AFG2A: variants seen among roughly 807,000 people sequenced by gnomAD.
AFG2A encodes ATPase family gene 2 protein homolog A.
the AFG2A span, among the ~76,000 whole-genome samples, chr4:122,926,252 CTT>C: frequency 6.6e-6 from 1 of 152,142 alleles, no homozygotes; most frequent in African/African-American, 2.4e-5. Flanking sequence ...ACTGAGAACA[CTT>C]GTGTGGTAAT....
chr4:123,103,169 A>T, the AFG2A span, among the ~76,000 whole-genome samples: 4 of 152,094 alleles, frequency 2.6e-5, no homozygotes, highest in African/African-American at 9.7e-5. Flanking sequence ...GCTTAAAGAA[A>T]TGAATGAAAC....
the AFG2A span, among the ~76,000 whole-genome samples, chr4:123,125,971 A>T: frequency 2.6e-5 from 4 of 152,172 alleles, no homozygotes; most frequent in East Asian, 7.7e-4. Context: ...GTTTTATAGT[A>T]TTCTTCCTAA....
At chr4:123,124,168 G>A in the AFG2A span, among the ~76,000 whole-genome samples, 1 of 151,968 alleles carries the variant, frequency 6.6e-6, no homozygotes, top group Non-Finnish European at 1.5e-5. Flanking sequence ...AAATCATGCT[G>A]CTATAAAGAC....
chr4:122,934,063 T>C, the AFG2A span: 745 of 1,516,912 alleles, frequency 4.9e-4, no homozygotes, highest in Non-Finnish European at 4.2e-4. Flanking sequence ...AAAAAAATTA[T>C]GCTAACATGT....
At chr4:123,245,896 A>T in the AFG2A span, among the ~76,000 whole-genome samples, 1 of 152,240 alleles carries the variant, frequency 6.6e-6, no homozygotes, top group Admixed American at 6.5e-5. Flanking sequence ...TGCCTGACAC[A>T]TAGTAGATAC....
chr4:123,287,350 T>C, the AFG2A span, among the ~76,000 whole-genome samples: 1 of 152,200 alleles, frequency 6.6e-6, no homozygotes, highest in Non-Finnish European at 1.5e-5. Context: ...AATCCAGCTC[T>C]ACTGAACCTA....
At chr4:122,964,503 A>C in the AFG2A span, among the ~76,000 whole-genome samples, 1 of 8,982 alleles carries the variant, frequency 1.1e-4, no homozygotes, top group East Asian at 0.05. Context: ...GACTGTCTCA[A>C]AAAAAAAAAA....
At chr4:123,029,873 A>G in the AFG2A span, among the ~76,000 whole-genome samples, 2 of 152,038 alleles carry the variant, frequency 1.3e-5, no homozygotes, top group Non-Finnish European at 2.9e-5. Context: ...CCTGGCCTCA[A>G]GCAGCCCTCC....
chr4:123,292,255 T>C, the AFG2A span, among the ~76,000 whole-genome samples: 1 of 152,218 alleles, frequency 6.6e-6, no homozygotes, highest in Non-Finnish European at 1.5e-5. Flanking sequence ...TAGAAAACTT[T>C]CCATTCATAT....
At chr4:122,929,250 A>G in the AFG2A span, 2 of 1,483,888 alleles carry the variant, frequency 1.3e-6, no homozygotes, top group African/African-American at 1.4e-5. Flanking sequence ...CAGTAGAAAT[A>G]TAAGAGTCAC....
chr4:123,101,019 T>C, the AFG2A span, among the ~76,000 whole-genome samples: 1 of 152,010 alleles, frequency 6.6e-6, no homozygotes, highest in East Asian at 1.9e-4. Flanking sequence ...ATTTGATTAA[T>C]CTTCCCAACT....
the AFG2A span, chr4:122,935,603 TTTG>T: frequency 7.7e-7 from 1 of 1,298,044 alleles, no homozygotes; most frequent in Non-Finnish European, 1.0e-6. Context: ...CTTGACTCTT[TTTG>T]TGACGCAAGG....
chr4:123,243,700 A>G, the AFG2A span, among the ~76,000 whole-genome samples: 1 of 152,136 alleles, frequency 6.6e-6, no homozygotes, highest in East Asian at 1.9e-4. Flanking sequence ...TACCTATGTA[A>G]TAAACCTGCA....
the AFG2A span, among the ~76,000 whole-genome samples, chr4:123,176,417 A>G: frequency 6.6e-6 from 1 of 152,216 alleles, no homozygotes; most frequent in Non-Finnish European, 1.5e-5. Flanking sequence ...TTTCAGTACT[A>G]CAACAATACA....
chr4:123,129,034 G>A, the AFG2A span, among the ~76,000 whole-genome samples: 1 of 152,102 alleles, frequency 6.6e-6, no homozygotes, highest in Non-Finnish European at 1.5e-5. Flanking sequence ...CTTTGTTAAA[G>A]TATTTGCTTA....
At chr4:122,935,757 T>A in the AFG2A span, 2 of 1,612,424 alleles carry the variant, frequency 1.2e-6, no homozygotes, top group Non-Finnish European at 1.7e-6. Flanking sequence ...GTCCTCCAGG[T>A]ACTGGAAAAA....
At chr4:123,129,323 T>C in the AFG2A span, among the ~76,000 whole-genome samples, 1 of 152,224 alleles carries the variant, frequency 6.6e-6, no homozygotes, top group African/African-American at 2.4e-5. Flanking sequence ...AATTAGGAGA[T>C]AAGGTAATAG....
the AFG2A span, among the ~76,000 whole-genome samples, chr4:123,059,579 G>A: frequency 6.6e-6 from 1 of 151,642 alleles, no homozygotes; most frequent in Non-Finnish European, 1.5e-5. Flanking sequence ...TTGGTTCCAA[G>A]TCTTTGCTAT....
chr4:123,253,741 A>C, the AFG2A span, among the ~76,000 whole-genome samples: 1 of 152,124 alleles, frequency 6.6e-6, no homozygotes, highest in South Asian at 2.1e-4. Context: ...ATTTCACAAT[A>C]ATTGGGTTGT....
Sources: gnomAD v4.1 joint callset for allele counts (sites outside exome capture counted in the v4.1 genomes callset) on GRCh38, gnomAD v4.1.1 for gene constraint, MANE v1.5 for transcripts, NCBI Gene and HGNC (gene_info 2026-07-23, HGNC 2026-07-21) for gene names.